The following CPT1A variants were observed in gnomAD, a reference collection of about 807,000 sequenced individuals.
CPT1A encodes the protein carnitine palmitoyltransferase 1A.
In CPT1A, 64 loss-of-function variants were observed where a neutral mutation model predicts 100.8. That is an observed-to-expected ratio of 0.63 (90% confidence interval 0.52 to 0.78). CPT1A has a LOEUF of 0.78. CPT1A is among the 30% of genes least tolerant of loss of function. The probability of loss-of-function intolerance (pLI) is 0.00; values close to 1 mark genes in which losing one functional copy is unlikely to be tolerated. For synonymous variants in CPT1A, 363 were observed against 396.0 expected, an observed-to-expected ratio of 0.92 and a Z score of 0.99; for missense variants, 802 against 1,034.1, an observed-to-expected ratio of 0.78 and a Z score of 3.08.
In CPT1A at chr11:68,841,688, G is replaced by A. The variant is rs1566397271; in HGVS notation, c.-14+87C>T. ...GCGTCCCCCACCCGGTCCGGTTCCC[G>A]GCAGCCCCGCGCCCCGCCCGTCCCC... On this transcript the variant is annotated intron_variant, in intron 1 of 18. Coordinates refer to ENST00000265641, the MANE Select transcript of CPT1A (RefSeq NM_001876.4). This position sits in a 1 kb window ranked among gnomAD's most constrained non-coding sequence, Gnocchi z 6.3. 2.7e-6 allele frequency: 2 copies of A among 736,422 alleles called. No homozygotes were observed. The highest frequency in any genetic ancestry group is 6.7e-4 in the Middle Eastern group (1 of 1,488). 45.6% of individuals were successfully genotyped at this position (736,422 alleles called of 1,614,324 possible).
chr11:68,821,253 A>G (rs1161766061), intron 1 of CPT1A, among the ~76,000 whole-genome samples: 1 of 152,196 alleles, frequency 6.6e-6, no homozygotes, highest in Non-Finnish European at 1.5e-5. Flanking sequence ...CCTGGGTTCA[A>G]GTGATTCTCC....
At chr11:68,842,870 C>T (rs1190102028), upstream of CPT1A, among the ~76,000 whole-genome samples, 1 of 152,152 alleles carries the variant, frequency 6.6e-6, no homozygotes, top group East Asian at 1.9e-4. Flanking sequence ...CGGGAGCCAC[C>T]CCTCCCCTAT....
At chr11:68,817,142 GGTGTGTGTGTCTGTGTGTGTGTGTGTGGT>G (rs1856447209) in intron 1 of CPT1A, among the ~76,000 whole-genome samples, 1 of 127,618 alleles carries the variant, frequency 7.8e-6, no homozygotes, top group African/African-American at 3.8e-5. Context: ...GTTGTGTGGG[GGTGTGTGTGTCTGTGTGTGTGTGTGTGGT>G]GTGTGTGTGT....
At chr11:68,784,427 G>C (rs1855395703) in intron 10 of CPT1A, among the ~76,000 whole-genome samples, 1 of 152,140 alleles carries the variant, frequency 6.6e-6, no homozygotes, top group Non-Finnish European at 1.5e-5. Context: ...CCAGCTACTG[G>C]AGAGGTTGAG....
chr11:68,791,988 T>C (rs561975379), intron 9 of CPT1A, among the ~76,000 whole-genome samples: 24 of 152,066 alleles, frequency 1.6e-4, no homozygotes, highest in African/African-American at 5.5e-4. Context: ...TAGGGCTTGG[T>C]CTGGAATATT....
chr11:68,807,678 G>T, intron 3 of CPT1A, 40 bp from the exon 4 acceptor site: 1 of 1,598,064 alleles, frequency 6.3e-7, no homozygotes, highest in Non-Finnish European at 8.6e-7. Flanking sequence ...TGTGCGTGAG[G>T]CCACACGGTG....
chr11:68,808,070 C>T (rs535400643), intron 3 of CPT1A, among the ~76,000 whole-genome samples: 5 of 152,348 alleles, frequency 3.3e-5, no homozygotes, highest in South Asian at 2.1e-4. Context: ...CCGACCTGTG[C>T]GTCCCCGGCA....
At chr11:68,833,358 C>T (rs1305300192) in intron 1 of CPT1A, among the ~76,000 whole-genome samples, 1 of 152,236 alleles carries the variant, frequency 6.6e-6, no homozygotes, top group Non-Finnish European at 1.5e-5. Context: ...GGTGTGCGCT[C>T]TCTGCACTGT....
rs770234338 is a variant in CPT1A, at chr11:68,760,235, C to A, written c.2132G>T (p.Gly711Val). Reference protein sequence around the residue: ...NNPEYVSSGGGFGPVADDGYG... With the variant: ...NNPEYVSSGGVFGPVADDGYG... ...CCCCGCCGCACTCACCGGTCCAAAG[C>A]CCCCTCCGCTGGACACGTACTCTGG... The change falls in exon 17 of 19, where the codon GGC becomes GTC. Residue 711 changes from glycine (G) to valine (V), a missense_variant. Transcript: ENST00000265641. 2 of 1,608,862 alleles carry A rather than the reference C, an allele frequency of 1.2e-6. No homozygotes were observed. The highest frequency in any genetic ancestry group is 1.1e-5 in the South Asian group (1 of 90,190).
chr11:68,761,528 G>C lies in CPT1A; in HGVS notation c.2028+7C>G, dbSNP rs768465007. On this transcript the variant is annotated splice_region_variant and intron_variant, in intron 16 of 18. Transcript: ENST00000265641. ...TACAACTGACGGAAGAAGTGGAAGA[G>C]ACTTACTTCCTTAAGGAAAGGGGAC... 154 of 1,613,482 alleles carry C rather than the reference G, an allele frequency of 9.5e-5. No individual in the cohort carries two copies. Among genetic ancestry groups the C allele is most frequent in the Middle Eastern group, 1.6e-4 (1 of 6,084 alleles).
intron 9 of CPT1A, among the ~76,000 whole-genome samples, chr11:68,785,430 A>G (rs935266698): frequency 7.9e-5 from 12 of 151,682 alleles, no homozygotes; most frequent in African/African-American, 2.9e-4. Flanking sequence ...GTGTGGTGAC[A>G]TGCACCTCTA....
intron 15 of CPT1A, among the ~76,000 whole-genome samples, chr11:68,762,080 A>C (rs1322096140): frequency 1.5e-4 from 23 of 152,232 alleles, no homozygotes; most frequent in Admixed American, 1.5e-3. Flanking sequence ...ATTAGTGAGC[A>C]GAATGGCCCA....
intron 1 of CPT1A, among the ~76,000 whole-genome samples, chr11:68,829,991 G>C (rs1473163242): frequency 6.6e-6 from 1 of 152,182 alleles, no homozygotes; most frequent in African/African-American, 2.4e-5. Flanking sequence ...AAGGCTGAGT[G>C]GGAGGCCAGG....
chr11:68,824,836 T>C (rs1312920001), intron 1 of CPT1A, among the ~76,000 whole-genome samples: 1 of 147,952 alleles, frequency 6.8e-6, no homozygotes, highest in Non-Finnish European at 1.5e-5. Context: ...TCTTGCTCTG[T>C]CGCCTAGGCT....
chr11:68,775,238 T>G, intron 13 of CPT1A, 78 bp downstream of exon 13: 2 of 1,228,408 alleles, frequency 1.6e-6, no homozygotes, highest in Non-Finnish European at 2.4e-6. Flanking sequence ...GGAACTACGG[T>G]TGGAAAATTC....
rs540337961 is a variant in CPT1A at position 68,757,280 on chromosome 11, C to T, written c.*364G>A. The T allele has an allele frequency of 2.0e-5, 23 of 1,157,298 alleles. No individual in the cohort carries two copies. In the East Asian group the frequency reaches 8.6e-4, roughly 43 times the overall value. The allele number at this position is 1,157,298 out of a possible 1,614,324, so 71.7% of individuals were successfully genotyped here. A position where few individuals can be genotyped will look rare whatever the true frequency, so the allele number is the denominator to read the frequency against. Reference sequence around the variant, plus strand: ...ATGCTAAATGCCCTTAAGCACTAGGCCTTCGGTTGCCACTGAGAAAGCACA... The same window carrying T: ...ATGCTAAATGCCCTTAAGCACTAGGTCTTCGGTTGCCACTGAGAAAGCACA... On this transcript the variant is annotated 3_prime_UTR_variant, in exon 19 of 19. Transcript: ENST00000265641.
chr11:68,836,703 C>A (rs987421601), intron 1 of CPT1A, among the ~76,000 whole-genome samples: 1 of 151,764 alleles, frequency 6.6e-6, no homozygotes, highest in Non-Finnish European at 1.5e-5. Flanking sequence ...ACCCAGAAGG[C>A]AGAGGCTGCA....
rs1555235324 is a variant in CPT1A at position 68,838,579 on chromosome 11, A to AAAAAAAAAAAAAAAAAAC, written c.-14+3195_-14+3196insGTTTTTTTTTTTTTTTTT. On this transcript the variant is annotated intron_variant, in intron 1 of 18. Coordinates refer to ENST00000265641, the MANE Select transcript of CPT1A (RefSeq NM_001876.4). ...TCTGTATCTGCACCTTTTTAAAAAA[A>AAAAAAAAAAAAAAAAAAC]AAAAAAAAAAAACAGAGACAGGGTC... 1.2e-4 allele frequency among the ~76,000 whole-genome samples: 18 copies of AAAAAAAAAAAAAAAAAAC among 144,448 alleles called. 2 individuals carry two copies. Among genetic ancestry groups the AAAAAAAAAAAAAAAAAAC allele is most frequent in the African/African-American group, 4.6e-4 (18 of 39,286 alleles). 94.8% of individuals were successfully genotyped at this position (144,448 alleles called of 152,430 possible). A position where few individuals can be genotyped will look rare whatever the true frequency, so the allele number is the denominator to read the frequency against.
At chr11:68,836,331 G>T (rs1857009246) in intron 1 of CPT1A, among the ~76,000 whole-genome samples, 1 of 151,602 alleles carries the variant, frequency 6.6e-6, no homozygotes, top group Non-Finnish European at 1.5e-5. Context: ...TAAAAAATTA[G>T]CTAGGTGTGG....
Sources: gnomAD v4.1 joint callset for allele counts (sites outside exome capture counted in the v4.1 genomes callset) on GRCh38, gnomAD v4.1.1 for gene constraint, Gnocchi (gnomAD v3.1) non-coding constraint, MANE v1.5 for transcripts, NCBI Gene and HGNC (gene_info 2026-07-23, HGNC 2026-07-21) for gene names.